COX15: variants seen among roughly 807,000 people sequenced by gnomAD.
The protein encoded by COX15 is heme A synthase COX15.
Under a neutral mutation model 51.9 loss-of-function variants are expected in COX15, and 51 were observed. That is an observed-to-expected ratio of 0.98 (90% CI 0.78 to 1.24). The LOEUF (loss-of-function observed/expected upper bound fraction) is 1.24, where lower values mean the gene tolerates loss of function less well. COX15 is among the 50% of genes most tolerant of loss of function. The pLI is 0.00. For synonymous variants in COX15, 188 were observed against 190.5 expected, an observed-to-expected ratio of 0.99 and a Z score of 0.11; for missense variants, 420 against 501.1, an observed-to-expected ratio of 0.84 and a Z score of 1.55.
chr10:99,725,771 G>A (rs1809469438), intron 4 of COX15, among the ~76,000 whole-genome samples: 1 of 152,128 alleles, frequency 6.6e-6, no homozygotes, highest in African/African-American at 2.4e-5. Flanking sequence ...TGTTGGCCAG[G>A]CTGGTCTGGA....
chr10:99,729,072 G>A (rs989172284), intron 2 of COX15, among the ~76,000 whole-genome samples: 1 of 152,170 alleles, frequency 6.6e-6, no homozygotes, highest in Non-Finnish European at 1.5e-5. Context: ...ACACTCAACT[G>A]TTCTATGGCA....
Position 99,713,276 on chromosome 10 carries a change from A to C in COX15, c.*1311T>G. 1 of 1,535,662 alleles carries C rather than the reference A, an allele frequency of 6.5e-7. No homozygotes were observed. Among genetic ancestry groups the C allele is most frequent in the Non-Finnish European group, 8.9e-7 (1 of 1,128,708 alleles). On this transcript the variant is annotated 3_prime_UTR_variant, in exon 9 of 9. Transcript: ENST00000016171. Reference sequence around the variant, plus strand: ...GGCCAGGTTTCTTCAGCCCAAACTTATACAACTTATTTAATTTAAATGAGT... The same window carrying C: ...GGCCAGGTTTCTTCAGCCCAAACTTCTACAACTTATTTAATTTAAATGAGT...
In COX15 at chr10:99,718,425, T is replaced by G; in HGVS notation, c.908A>C (p.Glu303Ala). 6.2e-7 allele frequency: 1 copy of G among 1,614,062 alleles called. No homozygotes were observed. Among genetic ancestry groups the G allele is most frequent in the Non-Finnish European group, 8.5e-7 (1 of 1,179,988 alleles). ...FPKMGESWIPEDLFTFSPILR... is the reference protein window; with the variant it reads ...FPKMGESWIPADLFTFSPILR... Reference sequence around the variant, plus strand: ...GATGGGGGAGAAGGTAAAGAGGTCCTCCGGGATCCAGGATTCTCCCATTTT... The same window carrying G: ...GATGGGGGAGAAGGTAAAGAGGTCCGCCGGGATCCAGGATTCTCCCATTTT... The change falls in exon 7 of 9, where the codon GAG becomes GCG. Residue 303 changes from glutamate (E) to alanine (A), a missense_variant. Coordinates refer to ENST00000016171, the MANE Select transcript of COX15 (RefSeq NM_078470.6).
chr10:99,727,265 G>T, intron 3 of COX15, 111 bp from the exon 4 acceptor site: 4 of 1,431,498 alleles, frequency 2.8e-6, no homozygotes, highest in Non-Finnish European at 3.9e-6. Context: ...TGGTAGGTCT[G>T]CCCTCTTCCT....
At chr10:99,722,195 G>A (rs2036797233) in intron 5 of COX15, among the ~76,000 whole-genome samples, 1 of 152,196 alleles carries the variant, frequency 6.6e-6, no homozygotes, top group South Asian at 2.1e-4. Context: ...ATAGCCATAT[G>A]TAGCTAGTAG....
At position 99,724,016 on chromosome 10, in the gene COX15, G is replaced by A. The variant is rs1325365833; in HGVS notation, c.690C>T (p.Ala230=). 5.6e-6 allele frequency: 9 copies of A among 1,613,910 alleles called. No individual in the cohort carries two copies. The highest frequency in any genetic ancestry group is 2.2e-5 in the East Asian group (1 of 44,888). ...ACAAGCTGGCACAATAAAGAACCAG[G>A]GCTGATCCCAGGTGGGCAGCAAGGC... ...QYRLAAHLGS[A]LVLYCASLWT... Residue 230 remains alanine (A), a synonymous_variant, in exon 5 of 9, where the codon GCC becomes GCT. Coordinates refer to ENST00000016171, the MANE Select transcript of COX15 (RefSeq NM_078470.6).
intron 7 of COX15, 71 bp downstream of exon 7, chr10:99,718,274 TG>T (rs1381270619): frequency 9.8e-6 from 15 of 1,527,376 alleles, no homozygotes; most frequent in African/African-American, 1.4e-5. Context: ...TTGCCATCAG[TG>T]CTTCACTGAC....
downstream of COX15, chr10:99,709,771 CTTGTG>C (rs1564640889): frequency 1.0e-6 from 1 of 985,214 alleles, no homozygotes; most frequent in East Asian, 1.1e-4. Flanking sequence ...ATAGACTTCT[CTTGTG>C]TTATTACACA....
intron 4 of COX15, among the ~76,000 whole-genome samples, chr10:99,726,751 G>T (rs144797835): frequency 3.2e-3 from 487 of 152,208 alleles, no homozygotes; most frequent in Non-Finnish European, 5.6e-3. Context: ...GCCAGGCATA[G>T]TGGCAGGTGC....
intron 4 of COX15, among the ~76,000 whole-genome samples, chr10:99,724,574 A>G (rs2036889710): frequency 6.6e-6 from 1 of 151,892 alleles, no homozygotes; most frequent in Non-Finnish European, 1.5e-5. Context: ...GCAGTGTCCC[A>G]AGATTCATGA....
chr10:99,731,985 G>A lies in COX15; in HGVS notation c.65C>T (p.Ala22Val). 6.2e-7 allele frequency: 1 copy of A among 1,612,378 alleles called. No homozygotes were observed. Among genetic ancestry groups the A allele is most frequent in the Non-Finnish European group, 8.5e-7 (1 of 1,179,562 alleles). Reference protein sequence around the residue: ...LKGRQYLPLLAPRAAPRAQCD... With the variant: ...LKGRQYLPLLVPRAAPRAQCD... Reference sequence around the variant, plus strand: ...CTGTGCTCTAGGCGCTGCCCTAGGAGCCAGGAGCGGCAGATACTGCCTCCC... The same window carrying A: ...CTGTGCTCTAGGCGCTGCCCTAGGAACCAGGAGCGGCAGATACTGCCTCCC... Residue 22 changes from alanine (A) to valine (V), a missense_variant, in exon 1 of 9, where the codon GCT becomes GTT. Ala to Val is a moderately conservative substitution (Grantham distance 64). Transcript: ENST00000016171.
chr10:99,709,672 T>A (rs2036324012), downstream of COX15: 1 of 985,308 alleles, frequency 1.0e-6, no homozygotes, highest in Non-Finnish European at 1.2e-6. Flanking sequence ...TGTTTGGGTG[T>A]CCCATCTACC....
In COX15 at chr10:99,711,950, T is replaced by A; in HGVS notation, c.*2637A>T. On this transcript the variant is annotated 3_prime_UTR_variant, in exon 9 of 9. Transcript: ENST00000016171. ...GGTGAGGGCCTCACGAAGCTTACAA[T>A]CATGGCAGAAGGTGAAGGGGAGCCA... 1 of 499,112 alleles carries A rather than the reference T, an allele frequency of 2.0e-6. No homozygotes were observed. The highest frequency in any genetic ancestry group is 2.6e-6 in the Non-Finnish European group (1 of 385,480). 30.9% of individuals were successfully genotyped at this position (499,112 alleles called of 1,614,324 possible).
the COX15 span, among the ~76,000 whole-genome samples, chr10:99,698,170 T>C: frequency 3.3e-5 from 5 of 152,124 alleles, no homozygotes; most frequent in Admixed American, 6.5e-5. Context: ...CCCCTACCAG[T>C]TGTATTTTTA....
At chr10:99,717,061 A>G (rs2036601880) in intron 7 of COX15, among the ~76,000 whole-genome samples, 1 of 152,036 alleles carries the variant, frequency 6.6e-6, no homozygotes, top group South Asian at 2.1e-4. Flanking sequence ...CACAATGACA[A>G]TTTCAACCAG....
the COX15 span, chr10:99,701,087 G>A: frequency 6.4e-7 from 1 of 1,565,784 alleles, no homozygotes; most frequent in Non-Finnish European, 8.8e-7. Flanking sequence ...CTCCTTAGAT[G>A]TGGACTTAAA....
chr10:99,716,500 G>T (rs2036585447), intron 7 of COX15, 39 bp from the exon 8 acceptor site: 1 of 1,392,584 alleles, frequency 7.2e-7, no homozygotes. Flanking sequence ...AGATAGAAGT[G>T]CCAGGTTTCT....
At chr10:99,728,009 T>C (rs1488366246) in intron 2 of COX15, among the ~76,000 whole-genome samples, 4 of 152,182 alleles carry the variant, frequency 2.6e-5, no homozygotes, top group East Asian at 1.9e-4. Context: ...ACAACCTATA[T>C]AACACATAAG....
intron 1 of COX15, among the ~76,000 whole-genome samples, chr10:99,730,503 G>C (rs756470046): frequency 9.2e-5 from 14 of 151,958 alleles, no homozygotes; most frequent in Non-Finnish European, 1.9e-4. Context: ...AGGATCACTT[G>C]AACCTGGGAG....
Sources: gnomAD v4.1 joint callset for allele counts (sites outside exome capture counted in the v4.1 genomes callset) on GRCh38, gnomAD v4.1.1 for gene constraint, MANE v1.5 for transcripts, NCBI Gene and HGNC (gene_info 2026-07-23, HGNC 2026-07-21) for gene names.